The following PIP5K1B variants were observed in gnomAD, a reference collection of about 807,000 sequenced individuals.
PIP5K1B encodes the protein phosphatidylinositol-4-phosphate 5-kinase type 1 beta.
A neutral mutation model predicts 67.0 loss-of-function variants in PIP5K1B; 42 were observed. The observed-to-expected ratio is 0.63, with a 90% CI of 0.49 to 0.81. The LOEUF (loss-of-function observed/expected upper bound fraction) is 0.81. Ranked by LOEUF, PIP5K1B falls within the 30% of genes least tolerant of loss-of-function variation. The probability of loss-of-function intolerance (pLI) is 0.00; values close to 1 mark genes in which losing one functional copy is unlikely to be tolerated. For synonymous variants in PIP5K1B, 214 were observed against 231.4 expected (o/e 0.92, Z 0.68); for missense variants, 459 against 646.3 (o/e 0.71, Z 3.14).
Position 68,863,896 on chromosome 9 carries a change from T to C in PIP5K1B, c.129T>C (p.Asn43=). Residue 43 remains asparagine, a synonymous_variant, in exon 5 of 16, where the codon AAT becomes AAC. Coordinates refer to ENST00000265382, the MANE Select transcript of PIP5K1B (RefSeq NM_003558.4). The stretch of plus-strand genomic sequence containing the variant: ...TGGGAATAGGATACACAGTGGGTAA[T>C]CTCACTTCCAAGCCAGAACGAGATG... The part of the protein sequence containing the change: ...IQLGIGYTVG[N]LTSKPERDVL... 2 of 1,613,562 alleles carry C rather than the reference T, an allele frequency of 1.2e-6. No individual in the cohort carries two copies. Among genetic ancestry groups the C allele is most frequent in the Non-Finnish European group, 1.7e-6 (2 of 1,179,454 alleles).
At chr9:68,968,751 T>G (rs1375850516) in intron 14 of PIP5K1B, among the ~76,000 whole-genome samples, 1 of 151,398 alleles carries the variant, frequency 6.6e-6, no homozygotes, top group African/African-American at 2.4e-5. Flanking sequence ...AAAGTTTTGC[T>G]TAGTAAATGT....
intron 4 of PIP5K1B, among the ~76,000 whole-genome samples, chr9:68,856,694 G>A (rs1395002820): frequency 1.3e-5 from 2 of 152,186 alleles, no homozygotes; most frequent in African/African-American, 4.8e-5. Context: ...CTAAAATAAT[G>A]CCTGGCTCAT....
intron 1 of PIP5K1B, among the ~76,000 whole-genome samples, chr9:68,728,095 A>G (rs1828243113): frequency 6.6e-6 from 1 of 152,220 alleles, no homozygotes; most frequent in African/African-American, 2.4e-5. Context: ...GTGAGGTGTT[A>G]TTTTAGAAAG....
chr9:68,949,075 A>G (rs1431262432), intron 14 of PIP5K1B, among the ~76,000 whole-genome samples: 1 of 151,992 alleles, frequency 6.6e-6, no homozygotes, highest in African/African-American at 2.4e-5. Flanking sequence ...ACTGTTGGCC[A>G]ATTTTTGAAT....
intron 4 of PIP5K1B, among the ~76,000 whole-genome samples, chr9:68,838,903 C>T (rs889588422): frequency 6.6e-6 from 1 of 152,114 alleles, no homozygotes; most frequent in Non-Finnish European, 1.5e-5. Flanking sequence ...AATCATGTTT[C>T]TCTTAAAATA....
chr9:68,768,046 T>C (rs554743390), intron 2 of PIP5K1B, among the ~76,000 whole-genome samples: 70 of 152,292 alleles, frequency 4.6e-4, no homozygotes, highest in African/African-American at 1.7e-3. Flanking sequence ...AATGCTGACT[T>C]TCACTGAAAT....
intron 4 of PIP5K1B, among the ~76,000 whole-genome samples, chr9:68,829,654 C>T (rs1564167732): frequency 1.3e-5 from 2 of 152,114 alleles, no homozygotes; most frequent in South Asian, 2.1e-4. Flanking sequence ...AAGAGGAGGG[C>T]GGATGTGAGT....
chr9:68,871,032 T>A (rs964273907), intron 5 of PIP5K1B, among the ~76,000 whole-genome samples: 3 of 152,172 alleles, frequency 2.0e-5, no homozygotes, highest in African/African-American at 7.2e-5. Flanking sequence ...CCACCACATC[T>A]CTCAGTCCAG....
chr9:68,975,586 C>A (rs927589046), intron 14 of PIP5K1B, among the ~76,000 whole-genome samples: 2 of 152,170 alleles, frequency 1.3e-5, no homozygotes, highest in Non-Finnish European at 2.9e-5. Context: ...GGCATTTATA[C>A]CACCAGTATT....
At position 68,876,768 on chromosome 9, in the gene PIP5K1B, T is replaced by G; in HGVS notation, c.292T>G (p.Phe98Val). The G allele has an allele frequency of 6.3e-7, 1 of 1,583,474 alleles. No individual in the cohort carries two copies. Among genetic ancestry groups the G allele is most frequent in the African/African-American group, 1.3e-5 (1 of 74,432 alleles). ...AGCATTCCGATATTTCAGAGAACTT[T>G]TTGGTATCAAGCCTGATGATTACTT... ...PLAFRYFREL[F>V]GIKPDDYLYS... The change falls in exon 6 of 16, where the codon TTT (phenylalanine) becomes GTT (valine). Residue 98 changes from phenylalanine to valine, a missense_variant. Physicochemically the swap from Phe to Val is conservative, Grantham distance 50. Around this residue, in one of 2 missense-constraint regions of PIP5K1B, gnomAD observed 290 missense variants for 474.4 expected, o/e 0.61. Transcript: ENST00000265382.
intron 14 of PIP5K1B, among the ~76,000 whole-genome samples, chr9:68,956,412 T>G (rs1828395124): frequency 6.6e-6 from 1 of 152,110 alleles, no homozygotes; most frequent in Non-Finnish European, 1.5e-5. Context: ...AGAGGTTGCA[T>G]CAGCCAAAAT....
intron 7 of PIP5K1B, 55 bp from the exon 8 acceptor site, chr9:68,894,284 A>G: frequency 9.1e-7 from 1 of 1,093,958 alleles, no homozygotes; most frequent in Non-Finnish European, 1.4e-6. Context: ...TTAGTGGAGC[A>G]TTATTTTGTC....
intron 7 of PIP5K1B, among the ~76,000 whole-genome samples, chr9:68,892,931 G>A (rs965570271): frequency 1.3e-5 from 2 of 151,976 alleles, no homozygotes; most frequent in East Asian, 1.9e-4. Context: ...AAATTATCTG[G>A]GTGTGGCGGC....
chr9:68,818,744 T>G (rs1833579618), intron 3 of PIP5K1B, among the ~76,000 whole-genome samples, 199 bp downstream of exon 3: 1 of 149,170 alleles, frequency 6.7e-6, no homozygotes, highest in African/African-American at 2.5e-5. Context: ...CCAGAAGGGT[T>G]AAAAAAAAAA....
At chr9:68,898,996 C>T (rs1825230145) in intron 8 of PIP5K1B, among the ~76,000 whole-genome samples, 1 of 152,220 alleles carries the variant, frequency 6.6e-6, no homozygotes, top group Non-Finnish European at 1.5e-5. Flanking sequence ...TGATTCCCAG[C>T]TTGGAACATT....
Position 68,934,985 on chromosome 9 carries a change from A to T in PIP5K1B, c.1297A>T (p.Lys433Ter). Residue 433 changes from lysine to a stop codon, truncating the protein, a stop_gained, in exon 13 of 16, where the codon AAG becomes TAG. Transcript: ENST00000265382. LOFTEE classifies it high-confidence loss of function. ...TGTGTCCTCAATTAGCCAGGAATGG[A>T]AGGATGAGAAGCGGGATTTGCTGAC... Reference protein sequence around the residue: ...EIVSSISQEWKDEKRDLLTEG... With the variant: ...EIVSSISQEW 1.9e-6 allele frequency: 3 copies of T among 1,613,774 alleles called. No individual in the cohort carries two copies. In the East Asian group the frequency reaches 6.7e-5, roughly 36 times the overall value.
At chr9:68,826,260 C>A (rs1175712913) in intron 4 of PIP5K1B, among the ~76,000 whole-genome samples, 2 of 152,108 alleles carry the variant, frequency 1.3e-5, no homozygotes, top group Non-Finnish European at 2.9e-5. Context: ...AATGCAGAAG[C>A]CTACTGGGGC....
intron 1 of PIP5K1B, among the ~76,000 whole-genome samples, chr9:68,731,474 C>A (rs1701525023): frequency 6.6e-6 from 1 of 152,192 alleles, no homozygotes; most frequent in Admixed American, 6.5e-5. Context: ...GTAAATGCTA[C>A]TTCCTTTCAC....
chr9:69,005,409 T>C (rs1423460671), intron 15 of PIP5K1B, among the ~76,000 whole-genome samples: 2 of 152,318 alleles, frequency 1.3e-5, no homozygotes, highest in Non-Finnish European at 2.9e-5. Flanking sequence ...ATTTTTGATA[T>C]GGAGTTTTGC....
Sources: gnomAD v4.1 joint callset for allele counts (sites outside exome capture counted in the v4.1 genomes callset) on GRCh38, gnomAD v4.1.1 for gene constraint, gnomAD v4.1.1 regional missense constraint, MANE v1.5 for transcripts, NCBI Gene and HGNC (gene_info 2026-07-23, HGNC 2026-07-21) for gene names.